NUBPL: variants seen among roughly 807,000 people sequenced by gnomAD.
The protein encoded by NUBPL is NUBP iron-sulfur cluster assembly factor, mitochondrial.
NUBPL carries 31 observed loss-of-function variants against 45.7 expected under a neutral mutation model. That is an observed-to-expected ratio of 0.68 (90% CI 0.51 to 0.92). The LOEUF is 0.92. NUBPL is among the 40% of genes least tolerant of loss of function. The pLI, the probability that NUBPL is intolerant of heterozygous loss-of-function variation, is 0.00. For synonymous variants in NUBPL, 144 were observed against 140.9 expected (o/e 1.02, Z -0.15); for missense variants, 401 against 398.7 (o/e 1.01, Z -0.05).
chr14:31,831,472 CCA>C (rs1215524908), intron 8 of NUBPL, among the ~76,000 whole-genome samples: 7 of 148,624 alleles, frequency 4.7e-5, no homozygotes, highest in Non-Finnish European at 1.0e-4. Context: ...CTGTACTATA[CCA>C]TACCATACCA....
chr14:31,808,099 G>A (rs138273570), intron 7 of NUBPL, among the ~76,000 whole-genome samples: 2,093 of 152,196 alleles, frequency 0.014, 46 homozygotes, highest in African/African-American at 0.048. Flanking sequence ...TTGACTTGGC[G>A]ATGCGGACTC....
At chr14:31,729,893 A>G (rs1186797633) in intron 6 of NUBPL, among the ~76,000 whole-genome samples, 2 of 152,142 alleles carry the variant, frequency 1.3e-5, no homozygotes, top group Admixed American at 1.3e-4. Context: ...ATTTTGAATA[A>G]TAACAGTGAT....
intron 6 of NUBPL, among the ~76,000 whole-genome samples, chr14:31,699,403 G>A (rs2037284666): frequency 6.6e-6 from 1 of 152,082 alleles, no homozygotes; most frequent in Non-Finnish European, 1.5e-5. Context: ...GACTTATACT[G>A]TTTATCTGCA....
At chr14:31,625,637 G>A (rs1317874663) in intron 4 of NUBPL, among the ~76,000 whole-genome samples, 1 of 151,784 alleles carries the variant, frequency 6.6e-6, no homozygotes, top group Non-Finnish European at 1.5e-5. Context: ...CACCACACCT[G>A]GCTCACTTTT....
chr14:31,596,781 G>A (rs2034295510), intron 3 of NUBPL, among the ~76,000 whole-genome samples: 2 of 152,168 alleles, frequency 1.3e-5, no homozygotes, highest in South Asian at 2.1e-4. Context: ...CATTTTGAGT[G>A]TAAGTTTCTG....
At chr14:31,602,312 C>G in intron 4 of NUBPL, among the ~76,000 whole-genome samples, 1 of 150,764 alleles carries the variant, frequency 6.6e-6, no homozygotes. Context: ...ATGGGTGCAG[C>G]ACACCAGCAT....
chr14:31,756,028 C>CGAAA (rs2038653909), intron 6 of NUBPL, among the ~76,000 whole-genome samples: 1 of 152,034 alleles, frequency 6.6e-6, no homozygotes, highest in Non-Finnish European at 1.5e-5. Flanking sequence ...GGCGTTATTT[C>CGAAA]TGAGAGCTCT....
At chr14:31,801,748 G>A (rs1288823859) in intron 7 of NUBPL, among the ~76,000 whole-genome samples, 2 of 152,218 alleles carry the variant, frequency 1.3e-5, no homozygotes, top group East Asian at 3.9e-4. Flanking sequence ...ATAATAGAAG[G>A]GACAAAGACT....
intron 4 of NUBPL, among the ~76,000 whole-genome samples, chr14:31,637,722 C>G (rs1168074295): frequency 6.6e-6 from 1 of 152,178 alleles, no homozygotes; most frequent in Admixed American, 6.5e-5. Context: ...GTGTGGGAGT[C>G]TAAGTCTCTT....
chr14:31,764,584 A>G (rs1336035888), intron 6 of NUBPL, among the ~76,000 whole-genome samples: 10 of 152,220 alleles, frequency 6.6e-5, no homozygotes, highest in Admixed American at 3.9e-4. Flanking sequence ...ATACCTATTT[A>G]GGCAAGAACA....
At chr14:31,599,873 A>G (rs1275775957) in intron 4 of NUBPL, among the ~76,000 whole-genome samples, 1 of 151,152 alleles carries the variant, frequency 6.6e-6, no homozygotes, top group Non-Finnish European at 1.5e-5. Flanking sequence ...TTCTTACTGC[A>G]TTGTTTATTG....
Position 31,808,104 on chromosome 14 carries a change from G to A in NUBPL, c.608-18525G>A, listed in dbSNP as rs555285359. ...TGGCTTAGGATTGACTTGGCGATGCGGACTCTTTTTTGGTTTCATATGAAC... is the reference window on the plus strand; with the variant it reads ...TGGCTTAGGATTGACTTGGCGATGCAGACTCTTTTTTGGTTTCATATGAAC... On this transcript the variant is annotated intron_variant, in intron 7 of 10. Coordinates refer to ENST00000281081, the MANE Select transcript of NUBPL (RefSeq NM_025152.3). Among the ~76,000 whole-genome samples, 6 of 152,174 alleles carry A rather than the reference G, an allele frequency of 3.9e-5. No individual in the cohort carries two copies. In the South Asian group the frequency reaches 8.3e-4, roughly 21 times the overall value.
chr14:31,686,005 C>A (rs2036944663), intron 6 of NUBPL, among the ~76,000 whole-genome samples: 2 of 151,958 alleles, frequency 1.3e-5, no homozygotes, highest in Non-Finnish European at 1.5e-5. Context: ...CAGGCTTAGG[C>A]ATACAATGGT....
At chr14:31,725,237 T>C (rs1445000835) in intron 6 of NUBPL, among the ~76,000 whole-genome samples, 1 of 152,024 alleles carries the variant, frequency 6.6e-6, no homozygotes, top group Non-Finnish European at 1.5e-5. Context: ...CCCTGTGAGA[T>C]AGGTTGTATT....
chr14:31,641,157 G>C (rs1046845345), intron 4 of NUBPL, among the ~76,000 whole-genome samples: 5 of 152,024 alleles, frequency 3.3e-5, no homozygotes, highest in African/African-American at 1.2e-4. Flanking sequence ...TCACCATGTT[G>C]GCCAGGATGG....
rs376909140 is a variant in NUBPL at position 31,670,641 on chromosome 14, ATTT to A, written c.383-2711_383-2709del. On this transcript the variant is annotated intron_variant, in intron 4 of 10. Coordinates refer to ENST00000281081, the MANE Select transcript of NUBPL (RefSeq NM_025152.3). ...TAAGTCTTTAATCCATCTTGAGTTGATTTTTGTATATGGTGTAAGAAAGGGGTC... is the reference window on the plus strand; with the variant it reads ...TAAGTCTTTAATCCATCTTGAGTTGATTGTATATGGTGTAAGAAAGGGGTC... Among the ~76,000 whole-genome samples the A allele has an allele frequency of 1.1e-4, 16 of 152,110 alleles. 1 individual carries two copies. In the East Asian group the frequency reaches 3.1e-3, roughly 29 times the overall value.
chr14:31,810,335 C>G (rs1388127437), intron 7 of NUBPL, among the ~76,000 whole-genome samples: 2 of 152,128 alleles, frequency 1.3e-5, no homozygotes, highest in African/African-American at 2.4e-5. Context: ...GAATAGGTAG[C>G]TCTTCTTGTT....
intron 6 of NUBPL, among the ~76,000 whole-genome samples, chr14:31,676,303 G>A (rs899846169): frequency 4.0e-5 from 6 of 151,626 alleles, no homozygotes; most frequent in African/African-American, 4.8e-5. Flanking sequence ...GATTACAGGC[G>A]TGAGCCACTG....
In NUBPL at chr14:31,850,190, G is replaced by A. The variant is rs755766867; in HGVS notation, c.886G>A (p.Glu296Lys). The change falls in exon 10 of 11, where the codon GAA becomes AAA. Residue 296 changes from glutamate to lysine, a missense_variant. By Grantham distance (56) the Glu-to-Lys change is moderately conservative. Coordinates refer to ENST00000281081, the MANE Select transcript of NUBPL (RefSeq NM_025152.3). ...TGQPIVFSQP[E>K]SDEAKAYLRI... The stretch of plus-strand genomic sequence containing the variant: ...CCAGCCAATTGTGTTTTCACAGCCT[G>A]AAAGTGATGAGGTAAGTTCCATTTT... 1 of 1,613,120 alleles carries A rather than the reference G, an allele frequency of 6.2e-7. No individual in the cohort carries two copies. The highest frequency in any genetic ancestry group is 1.7e-5 in the Admixed American group (1 of 60,014).
Sources: allele counts gnomAD v4.1 joint callset (sites outside exome capture counted in the v4.1 genomes callset), GRCh38; gene constraint gnomAD v4.1.1; transcripts MANE v1.5; gene names NCBI Gene and HGNC (gene_info 2026-07-23, HGNC 2026-07-21).